The following HLA-DOB variants were observed in gnomAD, a reference collection of about 807,000 sequenced individuals.
The protein encoded by HLA-DOB is major histocompatibility complex, class II, DO beta.
Under a neutral mutation model 27.7 loss-of-function variants are expected in HLA-DOB, and 25 were observed. The ratio of observed to expected loss-of-function variants is 0.90; its 90% CI spans 0.66 to 1.26. HLA-DOB has a LOEUF of 1.26. Among genes scored for constraint, HLA-DOB ranks in the 50% most tolerant of loss-of-function variants. The pLI is 0.00. For missense variants in HLA-DOB, 306 were observed against 324.9 expected (o/e 0.94, Z 0.45); for synonymous variants, 137 against 125.6 (o/e 1.09, Z -0.61).
At chr6:32,815,341 C>G in intron 1 of HLA-DOB, 28 bp from the exon 2 acceptor site, 2 of 1,612,494 alleles carry the variant, frequency 1.2e-6, no homozygotes, top group Non-Finnish European at 1.7e-6. Flanking sequence ...AAACCATGAA[C>G]CAGCCCCCTC....
chr6:32,813,194 G>A lies in HLA-DOB; in HGVS notation c.*22C>T, dbSNP rs773458452. Reference sequence around the variant, plus strand: ...ACTCATCACTACTTCAGGCTCCAGAGAGAGAAGCTTCAGTGAGGACCTTAG... The same window carrying A: ...ACTCATCACTACTTCAGGCTCCAGAAAGAGAAGCTTCAGTGAGGACCTTAG... On this transcript the variant is annotated 3_prime_UTR_variant, in exon 6 of 6. Coordinates refer to ENST00000438763, the MANE Select transcript of HLA-DOB (RefSeq NM_002120.4). The A allele has an allele frequency of 6.2e-6, 10 of 1,611,296 alleles. No homozygotes were observed. Among genetic ancestry groups the A allele is most frequent in the Non-Finnish European group, 7.6e-6 (9 of 1,178,370 alleles).
rs117651789 is a variant in HLA-DOB, at chr6:32,815,467, G to T, written c.92-154C>A. 5.3e-3 allele frequency among the ~76,000 whole-genome samples: 801 copies of T among 152,270 alleles called. 31 individuals carry two copies. The East Asian group carries it at 0.095, about 18-fold the overall frequency. On this transcript the variant is annotated intron_variant, in intron 1 of 5. Coordinates refer to ENST00000438763, the MANE Select transcript of HLA-DOB (RefSeq NM_002120.4). ...TCAAGTGAGAAAAGAAACAGAATGGGATTCAACAGAGAATGACATTTATTA... is the reference window on the plus strand; with the variant it reads ...TCAAGTGAGAAAAGAAACAGAATGGTATTCAACAGAGAATGACATTTATTA...
intron 1 of HLA-DOB, among the ~76,000 whole-genome samples, chr6:32,816,017 G>A (rs754066347): frequency 6.6e-6 from 1 of 151,986 alleles, no homozygotes; most frequent in Non-Finnish European, 1.5e-5. Context: ...TAAACCAGGG[G>A]GGAAATCTGA....
At position 32,814,447 on chromosome 6, in the gene HLA-DOB, GC is replaced by G. The variant is rs375745436; in HGVS notation, c.515del (p.Gly172AlafsTer14). The G allele has an allele frequency of 8.2e-4, 1,318 of 1,613,000 alleles. 3 individuals are homozygous for G. The highest frequency in any genetic ancestry group is 1.1e-3 in the Non-Finnish European group (1,260 of 1,180,006). ...QEERAGVMSTGPIRNGDWTFQ... is the reference protein window; with the variant it reads ...QEERAGVMSTXPIRNGDWTFQ... ...AGGTCCAGTCTCCATTCCTGATAGG[GC>G]CAGTGGACATGACCCCAGCTCTCTC... is the stretch of plus-strand genomic sequence containing the variant. On this transcript the variant is annotated frameshift_variant, in exon 3 of 6. Transcript: ENST00000438763. LOFTEE classifies it high-confidence loss of function.
rs1360013010 is a variant in HLA-DOB at position 32,815,195 on chromosome 6, C to T, written c.210G>A (p.Val70=). 15 of 1,614,222 alleles carry T rather than the reference C, an allele frequency of 9.3e-6. No individual in the cohort carries two copies. The highest frequency in any genetic ancestry group is 1.3e-5 in the Non-Finnish European group (15 of 1,180,048). ...GCTTGGTCAATGCCACAAACATCCC[C>T]ACATCACTGTCGAAACGTACATACT... ...LEEYVRFDSD[V]GMFVALTKLG... The change falls in exon 2 of 6, where the codon GTG becomes GTA. Residue 70 remains valine, a synonymous_variant. Transcript: ENST00000438763.
chr6:32,815,455 G>A (rs1227550031), intron 1 of HLA-DOB, 142 bp from the exon 2 acceptor site: 2 of 767,968 alleles, frequency 2.6e-6, no homozygotes, highest in Non-Finnish European at 4.3e-6. Context: ...AGTGAGAAAA[G>A]AAACAGAATG....
chr6:32,815,749 A>G (rs1320913710), intron 1 of HLA-DOB, among the ~76,000 whole-genome samples: 2 of 152,244 alleles, frequency 1.3e-5, no homozygotes, highest in African/African-American at 2.4e-5. Flanking sequence ...AAATGGAGTT[A>G]ATAATGTAGG....
In HLA-DOB at chr6:32,813,079, C is replaced by A; in HGVS notation, c.*137G>T. On this transcript the variant is annotated 3_prime_UTR_variant, in exon 6 of 6. Transcript: ENST00000438763. Reference sequence around the variant, plus strand: ...ATCTCAGAACACAGAGCTCCAGAATCAGTTCGGGCTCCTCCAAGGATCAGG... The same window carrying A: ...ATCTCAGAACACAGAGCTCCAGAATAAGTTCGGGCTCCTCCAAGGATCAGG... 1 of 796,220 alleles carries A rather than the reference C, an allele frequency of 1.3e-6. No individual in the cohort carries two copies. Among genetic ancestry groups the A allele is most frequent in the South Asian group, 1.5e-5 (1 of 67,754 alleles). 49.3% of individuals were successfully genotyped at this position (796,220 alleles called of 1,614,324 possible).
chr6:32,814,512 C>T lies in HLA-DOB; in HGVS notation c.451G>A (p.Gly151Arg). Residue 151 changes from glycine (G) to arginine (R), a missense_variant, in exon 3 of 6, where the codon GGG becomes AGG. Gly to Arg is a moderately radical substitution (Grantham distance 125). Transcript: ENST00000438763. ...LHCSVTGFYP[G>R]DIKIKWFLNG... ...AGGAACCACTTGATCTTGATATCCC[C>T]TGGATAGAAGCCTGTCACAGAGCAG... 1.2e-6 allele frequency: 2 copies of T among 1,613,058 alleles called. No individual in the cohort carries two copies. Among genetic ancestry groups the T allele is most frequent in the Non-Finnish European group, 1.7e-6 (2 of 1,180,022 alleles).
At chr6:32,814,249 T>A in intron 3 of HLA-DOB, 71 bp downstream of exon 3, 1 of 1,323,442 alleles carries the variant, frequency 7.6e-7, no homozygotes, top group Non-Finnish European at 1.1e-6. Flanking sequence ...AACGCAGAAG[T>A]GACACAGGCT....
At chr6:32,813,305 C>G in intron 5 of HLA-DOB, 54 bp from the exon 6 acceptor site, 3 of 1,605,980 alleles carry the variant, frequency 1.9e-6, no homozygotes, top group Non-Finnish European at 2.6e-6. Context: ...CCCCCACAGC[C>G]GTTCCAGAGA....
Position 32,813,148 on chromosome 6 carries a change from A to T in HLA-DOB, c.*68T>A. On this transcript the variant is annotated 3_prime_UTR_variant, in exon 6 of 6. Coordinates refer to ENST00000438763, the MANE Select transcript of HLA-DOB (RefSeq NM_002120.4). ...AACATTGACCTCATGAATGTCCTTT[A>T]CCTCACCCAGGGCCCAGACTACTCA... 1 of 1,393,726 alleles carries T rather than the reference A, an allele frequency of 7.2e-7. No homozygotes were observed. The highest frequency in any genetic ancestry group is 1.0e-6 in the Non-Finnish European group (1 of 979,588). The allele number at this position is 1,393,726 out of a possible 1,614,324, so 86.3% of individuals were successfully genotyped here.
chr6:32,815,366 A>C lies in HLA-DOB; in HGVS notation c.92-53T>G, dbSNP rs56066133. The C allele has an allele frequency of 1.5e-4, 233 of 1,603,176 alleles. 3 individuals carry two copies. In the East Asian group the frequency reaches 5.1e-3, roughly 35 times the overall value. ...CCAGCCCCCTCCTCTGGGAAAACCC[A>C]TGCCTGGTAAATTACGTCAGACCAC... On this transcript the variant is annotated intron_variant, in intron 1 of 5. Transcript: ENST00000438763.
chr6:32,814,248 G>T, intron 3 of HLA-DOB, 72 bp downstream of exon 3: 1 of 1,344,146 alleles, frequency 7.4e-7, no homozygotes, highest in Non-Finnish European at 1.0e-6. Flanking sequence ...AAACGCAGAA[G>T]TGACACAGGC....
intron 5 of HLA-DOB, 72 bp from the exon 6 acceptor site, chr6:32,813,323 G>A: frequency 6.3e-7 from 1 of 1,594,336 alleles, no homozygotes; most frequent in Non-Finnish European, 8.6e-7. Flanking sequence ...AGACTCAGGG[G>A]ACAGTCCCAT....
At chr6:32,813,977 A>T in intron 3 of HLA-DOB, 144 bp from the exon 4 acceptor site, 1 of 661,034 alleles carries the variant, frequency 1.5e-6, no homozygotes. Flanking sequence ...TCGAAACCAA[A>T]GTTGGCACCC....
At chr6:32,816,657 C>G (rs956362523) in intron 1 of HLA-DOB, among the ~76,000 whole-genome samples, 3 of 152,196 alleles carry the variant, frequency 2.0e-5, no homozygotes, top group African/African-American at 7.2e-5. Flanking sequence ...CCTCCCTACC[C>G]CTTGAATAGG....
intron 1 of HLA-DOB, 139 bp from the exon 2 acceptor site, chr6:32,815,452 A>G (rs1582528998): frequency 5.1e-6 from 4 of 786,882 alleles, no homozygotes; most frequent in South Asian, 5.1e-5. Context: ...TCAAGTGAGA[A>G]AAGAAACAGA....
chr6:32,814,242 G>T, intron 3 of HLA-DOB, 78 bp downstream of exon 3: 1 of 1,334,756 alleles, frequency 7.5e-7, no homozygotes, highest in Non-Finnish European at 1.1e-6. Context: ...CAAGATAAAC[G>T]CAGAAGTGAC....
Sources: allele counts gnomAD v4.1 joint callset (sites outside exome capture counted in the v4.1 genomes callset), GRCh38; gene constraint gnomAD v4.1.1; transcripts MANE v1.5; gene names NCBI Gene and HGNC (gene_info 2026-07-23, HGNC 2026-07-21).